PDE4D: variants seen among roughly 807,000 people sequenced by gnomAD.
The protein encoded by PDE4D is phosphodiesterase 4D.
A neutral mutation model predicts 87.4 loss-of-function variants in PDE4D; 24 were observed. The observed-to-expected ratio is 0.27, with a 90% CI of 0.20 to 0.39. PDE4D has a LOEUF of 0.39. PDE4D is among the 10% of genes least tolerant of loss of function. PDE4D has a pLI of 1.00. For synonymous variants in PDE4D, 384 were observed against 383.2 expected, an observed-to-expected ratio of 1.00 and a Z score of -0.02; for missense variants, 714 against 1,041.0, an observed-to-expected ratio of 0.69 and a Z score of 4.32.
rs201870541 is a variant in PDE4D, at chr5:59,762,241, T to C, written c.455+130927A>G. Among the ~76,000 whole-genome samples, 34 of 104,164 alleles carry C rather than the reference T, an allele frequency of 3.3e-4. No individual in the cohort carries two copies. In the East Asian group the frequency reaches 3.3e-3, roughly 10 times the overall value. 68.3% of individuals were successfully genotyped at this position (104,164 alleles called of 152,430 possible). On this transcript the variant is annotated intron_variant, in intron 1 of 14. Coordinates refer to ENST00000340635, the MANE Select transcript of PDE4D (RefSeq NM_001104631.2). ...ATATGGGTACACATATGCGTATATG[T>C]GTATATGGGTACACATATGCGTATA...
At chr5:59,394,989 G>A (rs528743444) in intron 1 of PDE4D, among the ~76,000 whole-genome samples, 4 of 152,170 alleles carry the variant, frequency 2.6e-5, no homozygotes, top group East Asian at 3.9e-4. Flanking sequence ...CTGGAGAATC[G>A]GGTCACTCCC....
intron 1 of PDE4D, among the ~76,000 whole-genome samples, chr5:59,392,503 C>CTATA (rs3061702): frequency 1.4e-3 from 201 of 139,340 alleles, no homozygotes; most frequent in African/African-American, 4.2e-3. Context: ...GTGTGTGTGT[C>CTATA]TATATATATA....
intron 1 of PDE4D, among the ~76,000 whole-genome samples, chr5:59,386,489 G>A (rs563882750): frequency 2.0e-5 from 3 of 152,020 alleles, no homozygotes; most frequent in African/African-American, 4.8e-5. Context: ...CCCTGTAGAC[G>A]GCAGTTAATA....
intron 2 of PDE4D, among the ~76,000 whole-genome samples, chr5:60,050,254 G>T (rs933354112): frequency 6.6e-6 from 1 of 152,010 alleles, no homozygotes. Flanking sequence ...ACTGACCTGC[G>T]CCCACTGTCT....
intron 2 of PDE4D, among the ~76,000 whole-genome samples, chr5:60,182,589 G>A (rs1220689102): frequency 2.0e-5 from 3 of 152,070 alleles, no homozygotes; most frequent in African/African-American, 4.8e-5. Context: ...CTGAGATCCC[G>A]GCATTGCACT....
At chr5:59,663,221 T>C (rs2017574) in intron 1 of PDE4D, among the ~76,000 whole-genome samples, 142 of 152,094 alleles carry the variant, frequency 9.3e-4, no homozygotes, top group Non-Finnish European at 1.6e-3. Context: ...CTGGAGTACA[T>C]TGGCGTGATC....
At chr5:59,448,362 T>A (rs1359297695) in intron 1 of PDE4D, among the ~76,000 whole-genome samples, 2 of 152,196 alleles carry the variant, frequency 1.3e-5, no homozygotes, top group African/African-American at 2.4e-5. Flanking sequence ...GGGTCTGTTC[T>A]CACACCTGTC....
At chr5:59,009,860 T>C (rs1266927950) in intron 6 of PDE4D, among the ~76,000 whole-genome samples, 1 of 152,200 alleles carries the variant, frequency 6.6e-6, no homozygotes, top group South Asian at 2.1e-4. Flanking sequence ...TTTACAACTT[T>C]GCCCAAAGAT....
intron 1 of PDE4D, among the ~76,000 whole-genome samples, chr5:59,797,573 T>C (rs1357363511): frequency 7.9e-5 from 12 of 152,156 alleles, no homozygotes; most frequent in African/African-American, 2.9e-4. Context: ...GTAGAGAATA[T>C]GTCTTCTAAG....
chr5:59,528,080 T>C (rs2153677960), intron 1 of PDE4D, among the ~76,000 whole-genome samples: 1 of 152,286 alleles, frequency 6.6e-6, no homozygotes, highest in Admixed American at 6.5e-5. Flanking sequence ...AGTTCTGCTT[T>C]GAAAAGAGGG....
intron 1 of PDE4D, among the ~76,000 whole-genome samples, chr5:59,764,863 C>T (rs1580984192): frequency 6.6e-6 from 1 of 151,806 alleles, no homozygotes; most frequent in South Asian, 2.1e-4. Flanking sequence ...CGCCATGTTG[C>T]CCAGGCTGGT....
At chr5:59,079,197 C>G (rs1455372139) in intron 5 of PDE4D, among the ~76,000 whole-genome samples, 1 of 152,018 alleles carries the variant, frequency 6.6e-6, no homozygotes, top group South Asian at 2.1e-4. Flanking sequence ...GACTAAGGAG[C>G]ATGAAAAAGG....
intron 2 of PDE4D, among the ~76,000 whole-genome samples, chr5:59,995,462 G>T (rs1187781233): frequency 6.6e-6 from 1 of 151,850 alleles, no homozygotes; most frequent in Non-Finnish European, 1.5e-5. Context: ...GGGATTACAG[G>T]CACCTGCCAC....
At chr5:59,280,004 A>G (rs1765535288) in intron 1 of PDE4D, among the ~76,000 whole-genome samples, 1 of 152,098 alleles carries the variant, frequency 6.6e-6, no homozygotes, top group African/African-American at 2.4e-5. Context: ...ACAGCTAGAA[A>G]ATGTTAGATC....
intron 1 of PDE4D, among the ~76,000 whole-genome samples, chr5:59,582,262 G>A (rs1434537863): frequency 3.3e-5 from 5 of 152,066 alleles, no homozygotes; most frequent in South Asian, 2.1e-4. Context: ...TTCCTTCAAC[G>A]TATACATAGT....
intron 1 of PDE4D, among the ~76,000 whole-genome samples, chr5:59,301,243 C>T (rs962901626): frequency 6.6e-6 from 1 of 152,122 alleles, no homozygotes; most frequent in African/African-American, 2.4e-5. Flanking sequence ...GGTCAGGGGC[C>T]TGCCCCTGAG....
intron 1 of PDE4D, among the ~76,000 whole-genome samples, chr5:59,502,499 T>A (rs536999593): frequency 6.6e-6 from 1 of 152,230 alleles, no homozygotes; most frequent in African/African-American, 2.4e-5. Context: ...TTGGGGTGAA[T>A]ACTGAAAAGA....
At chr5:59,232,823 T>C (rs1561772047) in intron 1 of PDE4D, among the ~76,000 whole-genome samples, 1 of 144,998 alleles carries the variant, frequency 6.9e-6, no homozygotes, top group Non-Finnish European at 1.5e-5. Context: ...TATATATATA[T>C]ATATACACAC....
chr5:59,296,955 C>T (rs769071778), intron 1 of PDE4D, among the ~76,000 whole-genome samples: 5 of 152,136 alleles, frequency 3.3e-5, no homozygotes, highest in Non-Finnish European at 7.4e-5. Context: ...GTAGACAGTA[C>T]ATAAGTTAAC....
Sources: gnomAD v4.1 joint callset for allele counts (sites outside exome capture counted in the v4.1 genomes callset) on GRCh38, gnomAD v4.1.1 for gene constraint, MANE v1.5 for transcripts, NCBI Gene and HGNC (gene_info 2026-07-23, HGNC 2026-07-21) for gene names.